NEBL: variants seen among roughly 807,000 people sequenced by gnomAD.
NEBL encodes nebulette, also known as LIM and SH3 protein 2.
In NEBL, 122 loss-of-function variants were observed where a neutral mutation model predicts 140.2. The ratio of observed to expected loss-of-function variants is 0.87; its 90% CI spans 0.75 to 1.01. NEBL has a LOEUF of 1.01. NEBL is among the 50% of genes least tolerant of loss of function. The pLI is 0.00. For synonymous variants in NEBL, 436 were observed against 398.9 expected, an observed-to-expected ratio of 1.09 and a Z score of -1.11; for missense variants, 1,365 against 1,231.3, an observed-to-expected ratio of 1.11 and a Z score of -1.62.
At chr10:21,210,873 G>A (rs1394930692) in intron 3 of NEBL, among the ~76,000 whole-genome samples, 1 of 152,188 alleles carries the variant, frequency 6.6e-6, no homozygotes, top group African/African-American at 2.4e-5. Context: ...GCTACTGTAA[G>A]TCTTTAAAAA....
rs545327693 is a variant in NEBL at position 21,212,400 on chromosome 10, C to T, written n.348+35521G>A. Reference sequence around the variant, plus strand: ...GCCCCAACTTTCCTTGCAAAGATTTCGAACACCCAGCGCTAACGTCTGGAC... The same window carrying T: ...GCCCCAACTTTCCTTGCAAAGATTTTGAACACCCAGCGCTAACGTCTGGAC... On this transcript the variant is annotated intron_variant and non_coding_transcript_variant, in intron 3 of 8. Transcript: ENST00000675702. 2.2e-4 allele frequency among the ~76,000 whole-genome samples: 33 copies of T among 152,258 alleles called. No individual in the cohort carries two copies. The East Asian group carries it at 6.2e-3, about 28-fold the overall frequency.
chr10:20,934,052 C>T (rs994182880), intron 4 of NEBL, among the ~76,000 whole-genome samples: 3 of 152,148 alleles, frequency 2.0e-5, no homozygotes, highest in African/African-American at 4.8e-5. Flanking sequence ...AAAAAAAAGG[C>T]CCCATTTTAC....
intron 2 of NEBL, among the ~76,000 whole-genome samples, chr10:20,895,236 T>C (rs1847374919): frequency 6.6e-6 from 1 of 152,212 alleles, no homozygotes; most frequent in African/African-American, 2.4e-5. Flanking sequence ...AGCTCAGCTA[T>C]AATTGCACTT....
At chr10:21,010,207 G>T (rs879926587) in intron 3 of NEBL, among the ~76,000 whole-genome samples, 2 of 152,110 alleles carry the variant, frequency 1.3e-5, no homozygotes, top group Non-Finnish European at 2.9e-5. Flanking sequence ...ATGCTGAATT[G>T]AGATATATGG....
intron 3 of NEBL, among the ~76,000 whole-genome samples, chr10:21,209,673 T>C (rs1464989108): frequency 1.4e-5 from 2 of 147,392 alleles, no homozygotes; most frequent in Non-Finnish European, 3.0e-5. Context: ...TTTTTTTTTT[T>C]TTCTTTTTTT....
At chr10:21,054,953 A>G (rs772098384) in intron 2 of NEBL, among the ~76,000 whole-genome samples, 1 of 152,192 alleles carries the variant, frequency 6.6e-6, no homozygotes, top group Non-Finnish European at 1.5e-5. Context: ...TTAGAAAATA[A>G]AGTTGTTTTT....
chr10:21,132,656 C>T (rs928458236), intron 2 of NEBL, among the ~76,000 whole-genome samples: 5 of 152,164 alleles, frequency 3.3e-5, no homozygotes, highest in Admixed American at 1.3e-4. Context: ...TTGTTATTGT[C>T]CACCTTTTTC....
At chr10:21,265,077 C>G (rs11012626) in intron 1 of NEBL, among the ~76,000 whole-genome samples, 12,380 of 152,016 alleles carry the variant, frequency 0.081, 561 homozygotes, top group South Asian at 0.12. Context: ...TGTGCGCCAC[C>G]GTGCCCGACT....
In NEBL at chr10:21,225,975, G is replaced by A. The variant is rs544665000; in HGVS notation, n.348+21946C>T. On this transcript the variant is annotated intron_variant and non_coding_transcript_variant, in intron 3 of 8. Transcript: ENST00000675702. ...AGGAATCTCTCCTTGTAGCCACCAC[G>A]GCTGGGAATGTGCTGGGTCACACCT... 1.4e-4 allele frequency among the ~76,000 whole-genome samples: 21 copies of A among 152,120 alleles called. 2 individuals are homozygous for A. Among genetic ancestry groups the A allele is most frequent in the African/African-American group, 4.6e-4 (19 of 41,488 alleles).
intron 3 of NEBL, among the ~76,000 whole-genome samples, chr10:21,199,732 C>T (rs1241025752): frequency 6.6e-6 from 1 of 152,164 alleles, no homozygotes; most frequent in Non-Finnish European, 1.5e-5. Context: ...CTGGTGAGTC[C>T]CTCTCCAGAA....
intron 26 of NEBL, chr10:20,804,573 G>A (rs1404847205): frequency 6.6e-6 from 1 of 152,184 alleles, no homozygotes; most frequent in Non-Finnish European, 1.5e-5. Flanking sequence ...TATGCTGCAG[G>A]CCCACTGAAA....
intron 2 of NEBL, among the ~76,000 whole-genome samples, chr10:21,117,440 C>G (rs1838335884): frequency 1.3e-5 from 2 of 152,098 alleles, no homozygotes; most frequent in South Asian, 4.1e-4. Context: ...CTTAGCCTCT[C>G]CAACCTCTGA....
intron 4 of NEBL, among the ~76,000 whole-genome samples, chr10:20,929,776 T>C (rs964754765): frequency 5.3e-5 from 8 of 152,102 alleles, no homozygotes; most frequent in African/African-American, 1.9e-4. Flanking sequence ...GGATGACAGA[T>C]GAAAAGTTAC....
intron 3 of NEBL, among the ~76,000 whole-genome samples, chr10:20,996,433 C>G (rs900433401): frequency 1.3e-5 from 2 of 152,184 alleles, no homozygotes; most frequent in Non-Finnish European, 2.9e-5. Flanking sequence ...TGGTTATTTC[C>G]TGGGTGCCTG....
chr10:21,244,909 C>G (rs957507221), intron 3 of NEBL, among the ~76,000 whole-genome samples: 4 of 151,532 alleles, frequency 2.6e-5, no homozygotes, highest in Non-Finnish European at 4.4e-5. Context: ...GTAATCCCAG[C>G]ACTTCAGGAG....
intron 1 of NEBL, among the ~76,000 whole-genome samples, chr10:21,258,233 A>T (rs547831223): frequency 6.6e-6 from 1 of 152,088 alleles, no homozygotes; most frequent in Non-Finnish European, 1.5e-5. Flanking sequence ...AACTGCAATG[A>T]GCTATGATTG....
chr10:21,103,215 C>CT (rs576823735), intron 2 of NEBL, among the ~76,000 whole-genome samples: 5,650 of 140,192 alleles, frequency 0.04, 232 homozygotes, highest in African/African-American at 0.1. Context: ...TTTTCAACTC[C>CT]TTTTTTTTTT....
chr10:20,908,612 C>T (rs1363774688), intron 4 of NEBL, among the ~76,000 whole-genome samples: 1 of 152,138 alleles, frequency 6.6e-6, no homozygotes, highest in African/African-American at 2.4e-5. Flanking sequence ...AATCAACTCT[C>T]TCAGGGTTTA....
At chr10:21,264,317 A>ACCATTGT (rs540521823) in intron 1 of NEBL, among the ~76,000 whole-genome samples, 94 of 152,264 alleles carry the variant, frequency 6.2e-4, no homozygotes, top group African/African-American at 2.2e-3. Context: ...ACAGTGCAGC[A>ACCATTGT]CCATTGTCCA....
Sources: gnomAD v4.1 joint callset for allele counts (sites outside exome capture counted in the v4.1 genomes callset) on GRCh38, gnomAD v4.1.1 for gene constraint, MANE v1.5 for transcripts, NCBI Gene and HGNC (gene_info 2026-07-23, HGNC 2026-07-21) for gene names.